CCT6B: variants seen among roughly 807,000 people sequenced by gnomAD.
CCT6B encodes the protein probable T-complex protein 1 subunit zeta-2.
A neutral mutation model predicts 61.5 loss-of-function variants in CCT6B; 49 were observed. The observed-to-expected ratio is 0.80, with a 90% confidence interval of 0.63 to 1.01. The LOEUF (loss-of-function observed/expected upper bound fraction) is 1.01, where lower values mean the gene tolerates loss of function less well. Among genes scored for constraint, CCT6B ranks in the 50% least tolerant of loss-of-function variants. The pLI, the probability that CCT6B is intolerant of heterozygous loss-of-function variation, is 0.00. For missense variants in CCT6B, 666 were observed against 634.7 expected (o/e 1.05, Z -0.53); for synonymous variants, 228 against 214.5 (o/e 1.06, Z -0.55).
At chr17:34,955,471 TACTA>T (rs2090337678) in intron 3 of CCT6B, among the ~76,000 whole-genome samples, 1 of 152,152 alleles carries the variant, frequency 6.6e-6, no homozygotes, top group South Asian at 2.1e-4. Context: ...AGTACACTGA[TACTA>T]AGGAAGAGAA....
At chr17:34,939,570 G>A (rs1208123909) in intron 9 of CCT6B, 47 bp downstream of exon 9, 4 of 1,182,198 alleles carry the variant, frequency 3.4e-6, no homozygotes, top group South Asian at 1.3e-5. Context: ...CTTTAAAAAA[G>A]GGGGCTTAGT....
chr17:34,957,405 A>T (rs2090360967), intron 3 of CCT6B, among the ~76,000 whole-genome samples: 1 of 151,954 alleles, frequency 6.6e-6, no homozygotes, highest in South Asian at 2.1e-4. Context: ...CGGCCTCCCA[A>T]AGTGCTGGGA....
Position 34,958,648 on chromosome 17 carries a change from G to A in CCT6B, c.248C>T (p.Ala83Val). Residue 83 changes from alanine to valine, a missense_variant, in exon 3 of 14, where the codon GCT becomes GTT. By Grantham distance (64) the Ala-to-Val change is moderately conservative. Coordinates refer to ENST00000314144, the MANE Select transcript of CCT6B (RefSeq NM_006584.4). ...ACCATCTCCTGTGACGTCATCCTGAGCTGTTGCTACTTTTGCTATCAAGGA... is the reference window on the plus strand; with the variant it reads ...ACCATCTCCTGTGACGTCATCCTGAACTGTTGCTACTTTTGCTATCAAGGA... ...TASLIAKVAT[A>V]QDDVTGDGTT... 1 of 1,602,840 alleles carries A rather than the reference G, an allele frequency of 6.2e-7. No homozygotes were observed.
In CCT6B at chr17:34,942,531, T is replaced by G; in HGVS notation, c.838A>C (p.Lys280Gln). Residue 280 changes from lysine (K) to glutamine (Q), a missense_variant, in exon 7 of 14, where the codon AAA becomes CAA. By Grantham distance (53) the Lys-to-Gln change is moderately conservative. Coordinates refer to ENST00000314144, the MANE Select transcript of CCT6B (RefSeq NM_006584.4). ...CCTTTATTTGACTGAGCACAGACTT[T>G]GTCCTTCAGGTCTATTATTTTTTGT... ...RVQKIIDLKD[K>Q]VCAQSNKGFV... 6.2e-7 allele frequency: 1 copy of G among 1,603,630 alleles called. No individual in the cohort carries two copies. The highest frequency in any genetic ancestry group is 8.5e-7 in the Non-Finnish European group (1 of 1,177,452).
At chr17:34,939,538 T>C (rs2090135819) in intron 9 of CCT6B, 79 bp downstream of exon 9, 1 of 960,282 alleles carries the variant, frequency 1.0e-6, no homozygotes, top group Non-Finnish European at 1.6e-6. Context: ...AAACATGAAA[T>C]AAAAGGTCAA....
chr17:34,938,379 C>A (rs1037071314), intron 10 of CCT6B, among the ~76,000 whole-genome samples: 36 of 151,938 alleles, frequency 2.4e-4, no homozygotes, highest in African/African-American at 8.7e-4. Context: ...CCAGCCTGGG[C>A]AACATAGACA....
intron 4 of CCT6B, among the ~76,000 whole-genome samples, chr17:34,953,918 C>T (rs2090320030): frequency 6.6e-6 from 1 of 152,092 alleles, no homozygotes; most frequent in African/African-American, 2.4e-5. Context: ...CATGACACTG[C>T]ACTCCAGCCT....
chr17:34,930,516 C>T (rs1053407674), intron 12 of CCT6B, among the ~76,000 whole-genome samples: 1 of 152,100 alleles, frequency 6.6e-6, no homozygotes, highest in African/African-American at 2.4e-5. Flanking sequence ...CACTTTTTTT[C>T]AACAGACATC....
At chr17:34,960,691 G>T (rs951084866) in intron 1 of CCT6B, among the ~76,000 whole-genome samples, 17 of 152,142 alleles carry the variant, frequency 1.1e-4, no homozygotes, top group Admixed American at 1.1e-3. Context: ...TTACTATGAG[G>T]ATGTGTCTCT....
chr17:34,956,806 T>TTC (rs1348836676), intron 3 of CCT6B, among the ~76,000 whole-genome samples: 1 of 151,570 alleles, frequency 6.6e-6, no homozygotes, highest in East Asian at 2.0e-4. Flanking sequence ...CTCTCCTCTC[T>TTC]TCTCTCTCTC....
At chr17:34,929,491 C>CT (rs112985335) in intron 12 of CCT6B, among the ~76,000 whole-genome samples, 6,193 of 126,714 alleles carry the variant, frequency 0.049, 182 homozygotes, top group African/African-American at 0.082. Flanking sequence ...TGTTTTCTTT[C>CT]TTTTTTTTTT....
chr17:34,954,893 T>C (rs1336789011), intron 3 of CCT6B, among the ~76,000 whole-genome samples: 1 of 152,200 alleles, frequency 6.6e-6, no homozygotes, highest in Non-Finnish European at 1.5e-5. Context: ...AAAAGATTCC[T>C]TTCAATGCAG....
chr17:34,952,185 T>C (rs891876586), intron 4 of CCT6B, 132 bp from the exon 5 acceptor site: 2 of 546,218 alleles, frequency 3.7e-6, no homozygotes, highest in African/African-American at 1.9e-5. Context: ...GACCAATATG[T>C]GCCACTTTAC....
At chr17:34,933,652 C>T (rs1905735355) in intron 10 of CCT6B, among the ~76,000 whole-genome samples, 1 of 152,136 alleles carries the variant, frequency 6.6e-6, no homozygotes, top group African/African-American at 2.4e-5. Flanking sequence ...ACCTACCACC[C>T]AGCTTAAGAA....
chr17:34,932,535 G>T (rs1169727164), intron 10 of CCT6B, 35 bp from the exon 11 acceptor site: 2 of 1,568,464 alleles, frequency 1.3e-6, no homozygotes, highest in Non-Finnish European at 1.7e-6. Flanking sequence ...GGCAAGACAT[G>T]CCATAAAGAC....
chr17:34,948,265 C>A (rs2090247785), intron 5 of CCT6B, among the ~76,000 whole-genome samples: 1 of 151,928 alleles, frequency 6.6e-6, no homozygotes. Context: ...TCAAATATAT[C>A]CATAACTGTA....
intron 5 of CCT6B, 37 bp downstream of exon 5, chr17:34,951,913 C>A (rs2090295864): frequency 3.0e-6 from 3 of 987,210 alleles, no homozygotes; most frequent in Non-Finnish European, 4.6e-6. Flanking sequence ...TTAAAAAATT[C>A]TAGAACCCAT....
At chr17:34,940,888 T>A (rs1045650349) in intron 7 of CCT6B, among the ~76,000 whole-genome samples, 2 of 152,194 alleles carry the variant, frequency 1.3e-5, no homozygotes, top group Admixed American at 1.3e-4. Flanking sequence ...AACAAAAATA[T>A]ATATAGTGAG....
At chr17:34,948,713 T>TCAAA (rs796140518) in intron 5 of CCT6B, among the ~76,000 whole-genome samples, 4 of 75,344 alleles carry the variant, frequency 5.3e-5, no homozygotes, top group Admixed American at 1.7e-4. Context: ...AAACTCCATC[T>TCAAA]AAAAAAAAAA....
Sources: gnomAD v4.1 joint callset for allele counts (sites outside exome capture counted in the v4.1 genomes callset) on GRCh38, gnomAD v4.1.1 for gene constraint, MANE v1.5 for transcripts, NCBI Gene and HGNC (gene_info 2026-07-23, HGNC 2026-07-21) for gene names.